Variants in WWOX observed in about 807,000 individuals in gnomAD.
The protein encoded by WWOX is WW domain-containing oxidoreductase.
In WWOX, 69 loss-of-function variants were observed where a neutral mutation model predicts 46.2. The observed-to-expected ratio is 1.49, with a 90% confidence interval of 1.23 to 1.82. The LOEUF (loss-of-function observed/expected upper bound fraction) is 1.82. WWOX is among the 40% of genes most tolerant of loss of function. WWOX has a pLI of 0.00. For missense variants in WWOX, 919 were observed against 542.6 expected, an observed-to-expected ratio of 1.69 and a Z score of -6.89; for synonymous variants, 359 against 202.6, an observed-to-expected ratio of 1.77 and a Z score of -6.56.
Position 78,242,342 on chromosome 16 carries a change from T to C in WWOX, c.516+78053T>C, listed in dbSNP as rs533922592. Among the ~76,000 whole-genome samples, 5 of 152,344 alleles carry C rather than the reference T, an allele frequency of 3.3e-5. No homozygotes were observed. The East Asian group carries it at 9.6e-4, about 29-fold the overall frequency. On this transcript the variant is annotated intron_variant, in intron 5 of 8. Transcript: ENST00000566780. Reference sequence around the variant, plus strand: ...GTTATTTGTAAAATGATATGCTGTCTTTTTTGACCCAGTTACTTTATAAAG... The same window carrying C: ...GTTATTTGTAAAATGATATGCTGTCCTTTTTGACCCAGTTACTTTATAAAG...
intron 8 of WWOX, among the ~76,000 whole-genome samples, chr16:79,151,169 T>G (rs1289137989): frequency 6.6e-6 from 1 of 152,212 alleles, no homozygotes; most frequent in African/African-American, 2.4e-5. Flanking sequence ...ATATGTTATA[T>G]AGTTAACTGT....
At chr16:78,915,725 C>G (rs558372677) in intron 8 of WWOX, among the ~76,000 whole-genome samples, 1 of 152,074 alleles carries the variant, frequency 6.6e-6, no homozygotes, top group Non-Finnish European at 1.5e-5. Context: ...CAGTTCTCAT[C>G]CCGTCATCTG....
In WWOX at chr16:78,347,017, G is replaced by A. The variant is rs1038803458; in HGVS notation, c.517-39843G>A. 6.9e-4 allele frequency among the ~76,000 whole-genome samples: 83 copies of A among 119,680 alleles called. 18 individuals carry two copies. Among genetic ancestry groups the A allele is most frequent in the African/African-American group, 2.3e-3 (81 of 35,320 alleles). The allele number at this position is 119,680 out of a possible 152,430, so 78.5% of individuals were successfully genotyped here. ...TGGGATTACAGGTGTGAGCCACAGC[G>A]CCCGGTGGTCATATCTCTTTCTTGC... On this transcript the variant is annotated intron_variant, in intron 5 of 8. Coordinates refer to ENST00000566780, the MANE Select transcript of WWOX (RefSeq NM_016373.4).
chr16:79,029,266 G>A (rs115983480), intron 8 of WWOX, among the ~76,000 whole-genome samples: 2,608 of 152,238 alleles, frequency 0.017, 86 homozygotes, highest in African/African-American at 0.06. Flanking sequence ...GAGTTTTCAC[G>A]CGGAAACTGG....
At chr16:78,485,469 T>A (rs1346361325) in intron 8 of WWOX, among the ~76,000 whole-genome samples, 1 of 152,198 alleles carries the variant, frequency 6.6e-6, no homozygotes, top group Non-Finnish European at 1.5e-5. Context: ...TTCCTCCCGT[T>A]TGGTTGGAAA....
intron 5 of WWOX, among the ~76,000 whole-genome samples, chr16:78,236,052 C>T (rs117815249): frequency 0.02 from 3,101 of 152,264 alleles, 46 homozygotes; most frequent in Middle Eastern, 0.051. Context: ...CGGATGTGTT[C>T]CAATAAAACT....
chr16:78,191,908 T>C (rs777479889), intron 5 of WWOX, among the ~76,000 whole-genome samples: 1 of 152,222 alleles, frequency 6.6e-6, no homozygotes, highest in Non-Finnish European at 1.5e-5. Flanking sequence ...AATTAATCTA[T>C]TTTCATTACA....
chr16:78,485,841 T>C (rs1159824943), intron 8 of WWOX, among the ~76,000 whole-genome samples: 2 of 152,340 alleles, frequency 1.3e-5, no homozygotes, highest in African/African-American at 2.4e-5. Flanking sequence ...GATGCACTTA[T>C]TTTGCGAGCC....
In WWOX at chr16:78,352,340, C is replaced by A. The variant is rs183161819; in HGVS notation, c.517-34520C>A. Among the ~76,000 whole-genome samples the A allele has an allele frequency of 3.3e-5, 5 of 152,286 alleles. No individual in the cohort carries two copies. The East Asian group carries it at 9.7e-4, about 29-fold the overall frequency. Reference sequence around the variant, plus strand: ...AGTTACACTTTACAGTTTTGGAGGTCAGTGGTCCAAAATAGGTCTCAGTGG... The same window carrying A: ...AGTTACACTTTACAGTTTTGGAGGTAAGTGGTCCAAAATAGGTCTCAGTGG... On this transcript the variant is annotated intron_variant, in intron 5 of 8. Coordinates refer to ENST00000566780, the MANE Select transcript of WWOX (RefSeq NM_016373.4).
intron 8 of WWOX, among the ~76,000 whole-genome samples, chr16:78,990,098 C>G (rs552124397): frequency 6.7e-6 from 1 of 149,952 alleles, no homozygotes; most frequent in Non-Finnish European, 1.5e-5. Context: ...GTGGGAGGAT[C>G]TTTAGAGCCC....
chr16:78,485,517 A>G (rs2084611463), intron 8 of WWOX, among the ~76,000 whole-genome samples: 1 of 152,150 alleles, frequency 6.6e-6, no homozygotes, highest in African/African-American at 2.4e-5. Flanking sequence ...CTACTGCACC[A>G]ACTCCCCTTT....
chr16:78,588,410 T>G (rs2045270383), intron 8 of WWOX, among the ~76,000 whole-genome samples: 1 of 152,208 alleles, frequency 6.6e-6, no homozygotes, highest in Non-Finnish European at 1.5e-5. Context: ...GGCTACTCTG[T>G]ACTCAGATGA....
chr16:78,498,475 A>T (rs528495948), intron 8 of WWOX, among the ~76,000 whole-genome samples: 13 of 152,154 alleles, frequency 8.5e-5, no homozygotes, highest in African/African-American at 3.1e-4. Context: ...TTATGATAAA[A>T]CTCTACCCAC....
At chr16:78,900,762 A>T (rs563851739) in intron 8 of WWOX, among the ~76,000 whole-genome samples, 48 of 152,170 alleles carry the variant, frequency 3.2e-4, no homozygotes, top group Non-Finnish European at 6.3e-4. Context: ...AAGAATATTC[A>T]TAGTGGTCAT....
intron 8 of WWOX, among the ~76,000 whole-genome samples, chr16:79,144,123 T>C (rs2050141403): frequency 6.6e-6 from 1 of 152,176 alleles, no homozygotes; most frequent in African/African-American, 2.4e-5. Flanking sequence ...TGTCTTGAAC[T>C]CCTGGCCTCA....
intron 5 of WWOX, among the ~76,000 whole-genome samples, chr16:78,204,638 A>G (rs550251816): frequency 6.6e-6 from 1 of 152,300 alleles, no homozygotes; most frequent in Admixed American, 6.5e-5. Flanking sequence ...TTTTAGATCC[A>G]AGAAACACAA....
intron 8 of WWOX, among the ~76,000 whole-genome samples, chr16:78,866,082 T>C (rs1485228410): frequency 1.3e-5 from 2 of 152,172 alleles, no homozygotes; most frequent in Non-Finnish European, 2.9e-5. Flanking sequence ...TAGTTGGAAA[T>C]GTTAAGTTTT....
At chr16:78,904,343 A>G (rs994404227) in intron 8 of WWOX, among the ~76,000 whole-genome samples, 5 of 148,670 alleles carry the variant, frequency 3.4e-5, no homozygotes, top group Admixed American at 2.0e-4. Context: ...GGTTCAAGCA[A>G]TTCTCCTGCC....
intron 8 of WWOX, among the ~76,000 whole-genome samples, chr16:79,186,959 C>T (rs937758349): frequency 6.6e-6 from 1 of 152,068 alleles, no homozygotes; most frequent in South Asian, 2.1e-4. Flanking sequence ...ACAGGTGTCA[C>T]TATATCATAA....
Sources: allele counts gnomAD v4.1 joint callset (sites outside exome capture counted in the v4.1 genomes callset), GRCh38; gene constraint gnomAD v4.1.1; transcripts MANE v1.5; gene names NCBI Gene and HGNC (gene_info 2026-07-23, HGNC 2026-07-21).